Variants in PDZD8 observed in about 807,000 individuals in gnomAD.
PDZD8 encodes the protein PDZ domain containing 8, also known as PDZ domain-containing protein 8.
Under a neutral mutation model 85.8 loss-of-function variants are expected in PDZD8, and 14 were observed. The observed-to-expected ratio is 0.16, with a 90% CI of 0.11 to 0.26. PDZD8 has a LOEUF of 0.26. Ranked by LOEUF, PDZD8 falls within the 10% of genes least tolerant of loss-of-function variation. The pLI is 1.00. For synonymous variants in PDZD8, 592 were observed against 568.6 expected (o/e 1.04, Z -0.59); for missense variants, 1,197 against 1,424.3 (o/e 0.84, Z 2.57).
In PDZD8 at chr10:117,283,908, C is replaced by A. The variant is rs1844612284; in HGVS notation, c.2825G>T (p.Ser942Ile). 1 of 1,614,050 alleles carries A rather than the reference C, an allele frequency of 6.2e-7. No homozygotes were observed. The highest frequency in any genetic ancestry group is 1.3e-5 in the African/African-American group (1 of 74,914). ...TTGACGCAAATTTAATAAACGAGAA[C>A]TAGTATTGATAATATGCCTTGTCAA... ...TGLTRHIINTSSRLLNLRQVS... is the reference protein window; with the variant it reads ...TGLTRHIINTISRLLNLRQVS... Residue 942 changes from serine to isoleucine, a missense_variant, in exon 5 of 5, where the codon AGT becomes ATT. Physicochemically the swap from Ser to Ile is moderately radical, Grantham distance 142 (BLOSUM62 -2). Transcript: ENST00000334464.
Position 117,284,576 on chromosome 10 carries a change from A to G in PDZD8, c.2157T>C (p.Asp719=). 1 of 1,614,210 alleles carries G rather than the reference A, an allele frequency of 6.2e-7. No individual in the cohort carries two copies. The highest frequency in any genetic ancestry group is 8.5e-7 in the Non-Finnish European group (1 of 1,180,038). ...AGATGAGACCTCCCAACTTGAAAGG[A>G]TCCCTGCACCACAATGCAATGTTTA... ...RYLNIALWCR[D]PFKLGGLICL... is the part of the protein sequence containing the mutation. Residue 719 remains aspartate, a synonymous_variant, in exon 5 of 5, where the codon GAT becomes GAC. Transcript: ENST00000334464.
At chr10:117,369,076 C>T (rs1298126243) in intron 1 of PDZD8, among the ~76,000 whole-genome samples, 1 of 151,898 alleles carries the variant, frequency 6.6e-6, no homozygotes, top group Non-Finnish European at 1.5e-5. Flanking sequence ...TCAAGTGATC[C>T]ACCCACCTTG....
Position 117,278,617 on chromosome 10 carries a change from ATTAC to A in PDZD8, c.*4647_*4650del, listed in dbSNP as rs1844534314. The A allele has an allele frequency of 1.3e-5, 2 of 152,276 alleles. No homozygotes were observed. The highest frequency in any genetic ancestry group is 3.4e-3 in the Middle Eastern group (1 of 294). The allele number at this position is 152,276 out of a possible 1,614,324, so 9.4% of individuals were successfully genotyped here. ...TGCAGTTCTATAATCATAAACAAAAATTACTTAGTTTCGTTAAGCTAAGATTGTG... is the reference window on the plus strand; with the variant it reads ...TGCAGTTCTATAATCATAAACAAAAATTAGTTTCGTTAAGCTAAGATTGTG... On this transcript the variant is annotated 3_prime_UTR_variant, in exon 5 of 5. Transcript: ENST00000334464.
At position 117,282,685 on chromosome 10, in the gene PDZD8, C is replaced by G. The variant is rs1047997628; in HGVS notation, c.*583G>C. 3.9e-5 allele frequency: 6 copies of G among 152,234 alleles called. No individual in the cohort carries two copies. Among genetic ancestry groups the G allele is most frequent in the African/African-American group, 1.4e-4 (6 of 41,534 alleles). The allele number at this position is 152,234 out of a possible 1,614,324, so 9.4% of individuals were successfully genotyped here. On this transcript the variant is annotated 3_prime_UTR_variant, in exon 5 of 5. Coordinates refer to ENST00000334464, the MANE Select transcript of PDZD8 (RefSeq NM_173791.5). The stretch of plus-strand genomic sequence containing the variant: ...AAATCAGCATAACAGACTAAAGCTG[C>G]AGCATCTGCTTTCATGTTACATTTG...
chr10:117,343,964 C>T lies in PDZD8; in HGVS notation c.873-2862G>A, dbSNP rs541328393. Among the ~76,000 whole-genome samples, 4 of 152,294 alleles carry T rather than the reference C, an allele frequency of 2.6e-5. No homozygotes were observed. The South Asian group carries it at 8.3e-4, about 32-fold the overall frequency. Reference sequence around the variant, plus strand: ...ACAATGAAGCGGGCTACCTCTATCACTTTCTTTTATCTTCCTATTCCATCA... The same window carrying T: ...ACAATGAAGCGGGCTACCTCTATCATTTTCTTTTATCTTCCTATTCCATCA... On this transcript the variant is annotated intron_variant, in intron 1 of 4. Coordinates refer to ENST00000334464, the MANE Select transcript of PDZD8 (RefSeq NM_173791.5).
chr10:117,333,127 A>AAAAAAAAAC (rs1564702997), intron 2 of PDZD8, among the ~76,000 whole-genome samples: 13 of 27,962 alleles, frequency 4.6e-4, no homozygotes, highest in Non-Finnish European at 8.7e-4. Flanking sequence ...CAAAAAAAAA[A>AAAAAAAAAC]AAAAAAAAAA....
At chr10:117,288,371 TA>T (rs11312719) in intron 4 of PDZD8, among the ~76,000 whole-genome samples, 116,685 of 151,830 alleles carry the variant, frequency 0.77, 45,493 homozygotes, top group Non-Finnish European at 0.85. Flanking sequence ...GGGAAAGGCA[TA>T]TATTTATGTA....
chr10:117,365,288 T>A (rs1023059543), intron 1 of PDZD8, among the ~76,000 whole-genome samples: 13 of 152,144 alleles, frequency 8.5e-5, no homozygotes, highest in African/African-American at 2.7e-4. Flanking sequence ...TAAGCATCTG[T>A]TAGAACAAAT....
Position 117,375,277 on chromosome 10 carries a change from T to C in PDZD8, c.-50A>G. 3 of 1,399,990 alleles carry C rather than the reference T, an allele frequency of 2.1e-6. No homozygotes were observed. Among genetic ancestry groups the C allele is most frequent in the Non-Finnish European group, 2.8e-6 (3 of 1,073,914 alleles). 86.7% of individuals were successfully genotyped at this position (1,399,990 alleles called of 1,614,324 possible). On this transcript the variant is annotated 5_prime_UTR_variant, in exon 1 of 5. Coordinates refer to ENST00000334464, the MANE Select transcript of PDZD8 (RefSeq NM_173791.5). ...CCTACTCCCGCGCCCACAGCGCCGC[T>C]TTCTTCACGCCGCCGCCCCCGCTGC... is the stretch of plus-strand genomic sequence containing the variant.
At chr10:117,357,712 G>A (rs1844919805) in intron 1 of PDZD8, among the ~76,000 whole-genome samples, 1 of 127,820 alleles carries the variant, frequency 7.8e-6, no homozygotes, top group South Asian at 2.7e-4. Flanking sequence ...GTTGCAGTGA[G>A]CCCCGATCAT....
At chr10:117,335,128 A>C (rs776719606) in intron 2 of PDZD8, among the ~76,000 whole-genome samples, 11 of 152,252 alleles carry the variant, frequency 7.2e-5, no homozygotes, top group Non-Finnish European at 1.6e-4. Context: ...AAAGGTTGGA[A>C]AGCAGCCAGA....
Position 117,318,985 on chromosome 10 carries a change from A to C in PDZD8, c.996-11T>G. On this transcript the variant is annotated splice_polypyrimidine_tract_variant and intron_variant, in intron 2 of 4. Transcript: ENST00000334464. ...CCAAAAATGAGTAACCTGCAGAATA[A>C]AACAAAACAAGGGAGAGTATCATAC... The C allele has an allele frequency of 6.4e-7, 1 of 1,554,594 alleles. No individual in the cohort carries two copies. The highest frequency in any genetic ancestry group is 1.1e-5 in the South Asian group (1 of 89,728).
At position 117,277,330 on chromosome 10, in the gene PDZD8, C is replaced by A; in HGVS notation, c.*5938G>T. The A allele has an allele frequency of 1.0e-6, 1 of 1,003,638 alleles. No individual in the cohort carries two copies. Among genetic ancestry groups the A allele is most frequent in the Non-Finnish European group, 1.5e-6 (1 of 654,822 alleles). 62.2% of individuals were successfully genotyped at this position (1,003,638 alleles called of 1,614,324 possible). ...TAAAACAGTGTTTCCAGTGACACAACTCATCCAGAACTGTCTTAGTCATAC... is the reference window on the plus strand; with the variant it reads ...TAAAACAGTGTTTCCAGTGACACAAATCATCCAGAACTGTCTTAGTCATAC... On this transcript the variant is annotated 3_prime_UTR_variant, in exon 5 of 5. Coordinates refer to ENST00000334464, the MANE Select transcript of PDZD8 (RefSeq NM_173791.5).
chr10:117,339,564 CTA>C (rs1330693070), intron 2 of PDZD8, among the ~76,000 whole-genome samples: 2 of 152,112 alleles, frequency 1.3e-5, no homozygotes, highest in Non-Finnish European at 1.5e-5. Context: ...TCAAGGGTTT[CTA>C]TGTTTTTAAA....
At chr10:117,361,297 T>C (rs1051064258) in intron 1 of PDZD8, among the ~76,000 whole-genome samples, 4 of 152,168 alleles carry the variant, frequency 2.6e-5, no homozygotes, top group African/African-American at 9.7e-5. Flanking sequence ...TTTAAGTATA[T>C]TTTCTTACTA....
In PDZD8 at chr10:117,374,784, C is replaced by G; in HGVS notation, c.444G>C (p.Val148=). 6.2e-7 allele frequency: 1 copy of G among 1,613,186 alleles called. No homozygotes were observed. The highest frequency in any genetic ancestry group is 8.5e-7 in the Non-Finnish European group (1 of 1,179,874). The change falls in exon 1 of 5, where the codon GTG becomes GTC. Residue 148 remains valine (V), a synonymous_variant. Coordinates refer to ENST00000334464, the MANE Select transcript of PDZD8 (RefSeq NM_173791.5). The surrounding 1 kb of genome is among the most constrained non-coding windows in gnomAD (Gnocchi z 7.8). ...TGAAGGGCACCGTCTCGCCCAGGAA[C>G]ACGTCCCGCAGGCTCAGCCCCTCCA... ...RLLEGLSLRD[V]FLGETVPFIK...
chr10:117,366,130 A>G (rs1845085846), intron 1 of PDZD8, among the ~76,000 whole-genome samples: 1 of 152,214 alleles, frequency 6.6e-6, no homozygotes, highest in Non-Finnish European at 1.5e-5. Flanking sequence ...CGCCTGAGCC[A>G]TATGAATCCT....
chr10:117,329,961 G>GAGGAA (rs1844387038), intron 2 of PDZD8, among the ~76,000 whole-genome samples: 6 of 120,472 alleles, frequency 5.0e-5, no homozygotes, highest in Non-Finnish European at 1.0e-4. Context: ...AGGAAGGAGG[G>GAGGAA]AGGAAGGGAA....
chr10:117,311,487 G>C (rs899193249), intron 3 of PDZD8, among the ~76,000 whole-genome samples: 1 of 152,108 alleles, frequency 6.6e-6, no homozygotes, highest in Non-Finnish European at 1.5e-5. Context: ...TGAATGCCAC[G>C]TGCTATGAGC....
Sources: allele counts gnomAD v4.1 joint callset (sites outside exome capture counted in the v4.1 genomes callset), GRCh38; gene constraint gnomAD v4.1.1; non-coding constraint Gnocchi (gnomAD v3.1); transcripts MANE v1.5; gene names NCBI Gene and HGNC (gene_info 2026-07-23, HGNC 2026-07-21).